Variants in ARSG observed in about 807,000 individuals in gnomAD.
ARSG encodes the protein arylsulfatase G.
In ARSG, 37 loss-of-function variants were observed where a neutral mutation model predicts 50.5. That is an observed-to-expected ratio of 0.73 (90% CI 0.56 to 0.96). The LOEUF is 0.96. Among genes scored for constraint, ARSG ranks in the 50% least tolerant of loss-of-function variants. ARSG has a pLI of 0.00. For missense variants in ARSG, 629 were observed against 675.3 expected, an observed-to-expected ratio of 0.93 and a Z score of 0.76; for synonymous variants, 225 against 254.6, an observed-to-expected ratio of 0.88 and a Z score of 1.11.
At chr17:68,272,973 C>T (rs1298417894) in intron 1 of ARSG, among the ~76,000 whole-genome samples, 2 of 151,198 alleles carry the variant, frequency 1.3e-5, no homozygotes, top group African/African-American at 4.9e-5. Flanking sequence ...GTTTGGGATA[C>T]TAAAAATATA....
At chr17:68,447,401 A>T in the ARSG span, among the ~76,000 whole-genome samples, 1 of 152,152 alleles carries the variant, frequency 6.6e-6, no homozygotes, top group African/African-American at 2.4e-5. Flanking sequence ...TTTTTTATAG[A>T]GACAGGGTCT....
intron 1 of ARSG, among the ~76,000 whole-genome samples, chr17:68,280,036 G>T (rs2075641915): frequency 1.3e-5 from 2 of 152,016 alleles, no homozygotes; most frequent in Admixed American, 1.3e-4. Flanking sequence ...ACAAAAATTA[G>T]CTGGGCATGG....
chr17:68,366,737 A>G (rs190989978), intron 6 of ARSG, among the ~76,000 whole-genome samples: 1 of 151,854 alleles, frequency 6.6e-6, no homozygotes, highest in East Asian at 1.9e-4. Flanking sequence ...ATATACAGAT[A>G]TATATAATCA....
At chr17:68,320,924 G>A (rs1406794630) in intron 2 of ARSG, among the ~76,000 whole-genome samples, 1 of 152,076 alleles carries the variant, frequency 6.6e-6, no homozygotes, top group African/African-American at 2.4e-5. Flanking sequence ...ATGTGAATGT[G>A]CATATATATA....
At chr17:68,306,567 CTG>C (rs2076617731) in intron 1 of ARSG, among the ~76,000 whole-genome samples, 1 of 152,212 alleles carries the variant, frequency 6.6e-6, no homozygotes, top group Non-Finnish European at 1.5e-5. Flanking sequence ...TATAGCTTGA[CTG>C]TTACAAATAA....
upstream of ARSG, among the ~76,000 whole-genome samples, chr17:68,287,949 CTCTT>C (rs1246844576): frequency 1.3e-5 from 2 of 148,556 alleles, no homozygotes; most frequent in Non-Finnish European, 3.0e-5. Context: ...TCTTCTCTCT[CTCTT>C]TCTCTCTCTC....
At chr17:68,359,823 G>T (rs1568519864) in intron 6 of ARSG, 1 of 152,170 alleles carries the variant, frequency 6.6e-6, no homozygotes, top group Admixed American at 6.6e-5. Context: ...GCATCTTAAG[G>T]GTTTATCAGG....
chr17:68,334,186 C>T (rs1406453219), intron 2 of ARSG, among the ~76,000 whole-genome samples: 1 of 152,282 alleles, frequency 6.6e-6, no homozygotes, highest in Non-Finnish European at 1.5e-5. Context: ...GATTTGGTTT[C>T]AAGGCCAGGC....
At chr17:68,272,744 G>C (rs1555749449) in intron 1 of ARSG, 2 of 1,614,044 alleles carry the variant, frequency 1.2e-6, no homozygotes, top group Non-Finnish European at 1.7e-6. Context: ...ACAGTTGGGA[G>C]AAAACTAAAG....
At chr17:68,394,769 A>C (rs2081158476) in intron 9 of ARSG, among the ~76,000 whole-genome samples, 1 of 152,132 alleles carries the variant, frequency 6.6e-6, no homozygotes, top group Non-Finnish European at 1.5e-5. Flanking sequence ...AAAATATCAT[A>C]CCCATCTTAG....
In ARSG at chr17:68,271,681, A is replaced by G. The variant is rs190024933; in HGVS notation, c.-552+12255A>G. 34 of 1,584,484 alleles carry G rather than the reference A, an allele frequency of 2.1e-5. No homozygotes were observed. The East Asian group carries it at 7.2e-4, about 33-fold the overall frequency. On this transcript the variant is annotated intron_variant, in intron 1 of 11. Coordinates refer to the ARSG transcript ENST00000448504. The surrounding 1 kb of genome is among the most constrained non-coding windows in gnomAD (Gnocchi z 5.3). The stretch of plus-strand genomic sequence containing the variant: ...TTGAATAGGCAGGAGTGAAGAAGAA[A>G]TAATATAAGGTCAATAATGGACTCA...
intron 2 of ARSG, among the ~76,000 whole-genome samples, chr17:68,314,814 G>A (rs1555767961): frequency 6.6e-6 from 1 of 152,210 alleles, no homozygotes; most frequent in African/African-American, 2.4e-5. Context: ...ATTGTTACTA[G>A]AAATGTCCAA....
chr17:68,307,610 GATT>G lies in ARSG; in HGVS notation c.121_123del (p.Ile41del). ...CAAGAGGACAGAAGCCAAACTTTGT[GATT>G]ATTTTGGCCGATGACATGGGGTGGG... On this transcript the variant is annotated inframe_deletion, in exon 2 of 12. Transcript: ENST00000621439. 1 of 1,613,842 alleles carries G rather than the reference GATT, an allele frequency of 6.2e-7. No individual in the cohort carries two copies. The highest frequency in any genetic ancestry group is 8.5e-7 in the Non-Finnish European group (1 of 1,179,718).
chr17:68,293,361 C>T (rs1271647313), intron 1 of ARSG, among the ~76,000 whole-genome samples: 2 of 152,130 alleles, frequency 1.3e-5, no homozygotes, highest in African/African-American at 2.4e-5. Flanking sequence ...CACATAAAAT[C>T]TCTGTACTTC....
chr17:68,425,786 C>A, downstream of ARSG: 1 of 344,028 alleles, frequency 2.9e-6, no homozygotes, highest in Non-Finnish European at 5.3e-6. Flanking sequence ...GCTACAGAAG[C>A]AAAGTAAGGG....
intron 3 of ARSG, among the ~76,000 whole-genome samples, chr17:68,346,188 C>A (rs1022120592): frequency 1.3e-5 from 2 of 152,036 alleles, no homozygotes; most frequent in African/African-American, 4.8e-5. Flanking sequence ...ATTGAGAGCC[C>A]ATTTCTCTCA....
chr17:68,298,889 A>G (rs1024664757), intron 1 of ARSG, among the ~76,000 whole-genome samples: 22 of 152,078 alleles, frequency 1.4e-4, no homozygotes, highest in Non-Finnish European at 5.9e-5. Context: ...CCTATCTTCA[A>G]ATATCATCAC....
chr17:68,384,589 T>C (rs1174005400), intron 8 of ARSG, among the ~76,000 whole-genome samples: 1 of 152,190 alleles, frequency 6.6e-6, no homozygotes, highest in Non-Finnish European at 1.5e-5. Context: ...GCAGATCAAA[T>C]AGCTGCAGAA....
At chr17:68,426,254 G>GGCCCCCCCCCCCC, downstream of ARSG, 10 of 816,856 alleles carry the variant, frequency 1.2e-5, no homozygotes, top group East Asian at 3.5e-5. Flanking sequence ...GGGAGCGGGG[G>GGCCCCCCCCCCCC]CTCAAATAAA....
Sources: allele counts gnomAD v4.1 joint callset (sites outside exome capture counted in the v4.1 genomes callset), GRCh38; gene constraint gnomAD v4.1.1; non-coding constraint Gnocchi (gnomAD v3.1); transcripts MANE v1.5; gene names NCBI Gene and HGNC (gene_info 2026-07-23, HGNC 2026-07-21).